The following ZNF408 variants were observed in gnomAD, a reference collection of about 807,000 sequenced individuals.
The protein encoded by ZNF408 is zinc finger protein 408, also known as PR domain zinc finger protein 17.
ZNF408 carries 24 observed loss-of-function variants against 27.6 expected under a neutral mutation model. The observed-to-expected ratio is 0.87, with a 90% CI of 0.63 to 1.22. The LOEUF is 1.22. ZNF408 is among the 50% of genes most tolerant of loss of function. The probability of loss-of-function intolerance (pLI) is 0.00; values close to 1 mark genes in which losing one functional copy is unlikely to be tolerated. For synonymous variants in ZNF408, 410 were observed against 396.1 expected (o/e 1.04, Z -0.42); for missense variants, 897 against 949.0 (o/e 0.95, Z 0.72).
chr11:46,704,154 G>A (rs2064732465), intron 4 of ZNF408, among the ~76,000 whole-genome samples, 199 bp from the exon 5 acceptor site: 1 of 152,116 alleles, frequency 6.6e-6, no homozygotes, highest in Non-Finnish European at 1.5e-5. Flanking sequence ...GCTCTCAGGA[G>A]TGCTTCTCCA....
Position 46,705,428 on chromosome 11 carries a change from G to A in ZNF408, c.1728G>A (p.Glu576=). ...CTCACGAGCGCCTGCACTCCGGAGA[G>A]AGGCCCTTTCCCTGTCCCCAGTGTG... ...LRAHERLHSG[E]RPFPCPQCGR... is the part of the protein sequence containing the mutation. Residue 576 remains glutamate, a synonymous_variant, in exon 5 of 5, where the codon GAG becomes GAA. Coordinates refer to ENST00000311764, the MANE Select transcript of ZNF408 (RefSeq NM_024741.3). This position sits in a 1 kb window ranked among gnomAD's most constrained non-coding sequence, Gnocchi z 6.5. 6.2e-7 allele frequency: 1 copy of A among 1,608,164 alleles called. No homozygotes were observed. Among genetic ancestry groups the A allele is most frequent in the Non-Finnish European group, 8.5e-7 (1 of 1,179,662 alleles).
chr11:46,705,169 A>AT lies in ZNF408; in HGVS notation c.1470dup (p.Thr491TyrfsTer48). The AT allele has an allele frequency of 6.2e-7, 1 of 1,611,470 alleles. No individual in the cohort carries two copies. The highest frequency in any genetic ancestry group is 8.5e-7 in the Non-Finnish European group (1 of 1,179,940). Reference sequence around the variant, plus strand: ...TCCCTGCGGAACCATATGAGGCTCCATACAGGAGAAAAGCCTTTCCTGTGC... The same window carrying AT: ...TCCCTGCGGAACCATATGAGGCTCCATTACAGGAGAAAAGCCTTTCCTGTGC... On this transcript the variant is annotated frameshift_variant, in exon 5 of 5. Coordinates refer to ENST00000311764, the MANE Select transcript of ZNF408 (RefSeq NM_024741.3). LOFTEE classifies it low-confidence loss of function (END_TRUNC). The surrounding 1 kb of genome is among the most constrained non-coding windows in gnomAD (Gnocchi z 6.5).
At position 46,701,533 on chromosome 11, in the gene ZNF408, C is replaced by T. The variant is rs1375969701; in HGVS notation, c.187C>T (p.Leu63Phe). ...AAAGAGCCTTCCCCGGGGCTTGGCCCTTGGCCCCTCACTCGCCAAGGAACA... is the reference window on the plus strand; with the variant it reads ...AAAGAGCCTTCCCCGGGGCTTGGCCTTTGGCCCCTCACTCGCCAAGGAACA... The part of the protein sequence containing the change: ...ALKSLPRGLA[L>F]GPSLAKEQRL... The change falls in exon 2 of 5, where the codon CTT becomes TTT. Residue 63 changes from leucine to phenylalanine, a missense_variant. By Grantham distance (22) the Leu-to-Phe change is conservative. Coordinates refer to ENST00000311764, the MANE Select transcript of ZNF408 (RefSeq NM_024741.3). The T allele has an allele frequency of 6.2e-7, 1 of 1,613,802 alleles. No individual in the cohort carries two copies. The highest frequency in any genetic ancestry group is 8.5e-7 in the Non-Finnish European group (1 of 1,180,020).
intron 2 of ZNF408, among the ~76,000 whole-genome samples, chr11:46,702,340 C>T (rs887157227): frequency 1.2e-4 from 18 of 152,232 alleles, no homozygotes; most frequent in Non-Finnish European, 1.9e-4. Flanking sequence ...AGTAATCCGC[C>T]TGCCTGGGCC....
rs752294007 is a variant in ZNF408 at position 46,705,715 on chromosome 11, ATGT to A, written c.2021_2023del (p.Val674del). 1.2e-5 allele frequency: 19 copies of A among 1,613,278 alleles called. No homozygotes were observed. The highest frequency in any genetic ancestry group is 7.7e-5 in the South Asian group (7 of 90,912). ...GAGGAGGAAGTCTCCCCCGCCAGGG[ATGT>A]TGTTGAGGTCACCATTTCAGAAAGC... On this transcript the variant is annotated inframe_deletion, in exon 5 of 5. Coordinates refer to ENST00000311764, the MANE Select transcript of ZNF408 (RefSeq NM_024741.3). This position sits in a 1 kb window ranked among gnomAD's most constrained non-coding sequence, Gnocchi z 6.5.
At position 46,701,576 on chromosome 11, in the gene ZNF408, GT is replaced by G; in HGVS notation, c.231del (p.Cys77TrpfsTer28). ...AAGGAACAGCGCTTGGGGGTCTGGT[GT>G]GTCGGGGACCCCCTGCAGCCCGGCC... ...LAKEQRLGVWCVGDPLQPGLL... is the reference protein window; with the variant it reads ...LAKEQRLGVWXVGDPLQPGLL... On this transcript the variant is annotated frameshift_variant, in exon 2 of 5. Coordinates refer to ENST00000311764, the MANE Select transcript of ZNF408 (RefSeq NM_024741.3). LOFTEE classifies it high-confidence loss of function. 3 of 1,613,226 alleles carry G rather than the reference GT, an allele frequency of 1.9e-6. No individual in the cohort carries two copies. Among genetic ancestry groups the G allele is most frequent in the Non-Finnish European group, 2.5e-6 (3 of 1,179,922 alleles).
chr11:46,701,649 C>T lies in ZNF408; in HGVS notation c.303C>T (p.Gly101=), dbSNP rs1027734312. ...LEEESASKEK[G]EGVKPRQEEN... is the part of the protein sequence containing the mutation. ...AGGAGTCTGCCTCCAAGGAGAAGGG[C>T]GAGGGAGTAAAGCCACGGCAGGAGG... Residue 101 remains glycine (G), a synonymous_variant, in exon 2 of 5, where the codon GGC becomes GGT. Transcript: ENST00000311764. 1.3e-6 allele frequency: 2 copies of T among 1,597,484 alleles called. No homozygotes were observed. Among genetic ancestry groups the T allele is most frequent in the Non-Finnish European group, 1.7e-6 (2 of 1,169,966 alleles).
intron 2 of ZNF408, chr11:46,701,984 G>A (rs1449793403): frequency 1.5e-5 from 4 of 270,474 alleles, no homozygotes; most frequent in South Asian, 1.2e-4. Flanking sequence ...ATTACGTGCC[G>A]CATTTAATTC....
At position 46,703,799 on chromosome 11, in the gene ZNF408, ACT is replaced by A. The variant is rs372250477; in HGVS notation, c.653-551_653-550del. On this transcript the variant is annotated intron_variant, in intron 4 of 4. Coordinates refer to ENST00000311764, the MANE Select transcript of ZNF408 (RefSeq NM_024741.3). ...TTTTTTTTTTTTGAGATGGAGTCTCACTCTGTCGCCCAGGCTGGAGTGCAATG... is the reference window on the plus strand; with the variant it reads ...TTTTTTTTTTTTGAGATGGAGTCTCACTGTCGCCCAGGCTGGAGTGCAATG... Among the ~76,000 whole-genome samples the A allele has an allele frequency of 3.2e-4, 37 of 115,230 alleles. 1 individual carries two copies. The East Asian group carries it at 9.0e-3, about 28-fold the overall frequency. The allele number at this position is 115,230 out of a possible 152,430, so 75.6% of individuals were successfully genotyped here.
chr11:46,702,009 G>A (rs2064712805), intron 2 of ZNF408: 2 of 229,606 alleles, frequency 8.7e-6, no homozygotes, highest in Non-Finnish European at 1.7e-5. Context: ...GTGAAACAAA[G>A]CAGTGGCTCT....
At chr11:46,701,357 C>T (rs754017651) in intron 1 of ZNF408, 42 bp from the exon 2 acceptor site, 12 of 1,600,672 alleles carry the variant, frequency 7.5e-6, no homozygotes, top group African/African-American at 1.3e-5. Flanking sequence ...CACCTCCCAC[C>T]TTCTTGGGTG....
rs371644247 is a variant in ZNF408 at position 46,703,758 on chromosome 11, G to GTTTTT, written c.652+517_652+518insTTTTT. Among the ~76,000 whole-genome samples the GTTTTT allele has an allele frequency of 3.2e-4, 30 of 94,152 alleles. 4 individuals carry two copies. Among genetic ancestry groups the GTTTTT allele is most frequent in the African/African-American group, 8.4e-4 (18 of 21,346 alleles). The allele number at this position is 94,152 out of a possible 152,430, so 61.8% of individuals were successfully genotyped here. A position where few individuals can be genotyped will look rare whatever the true frequency, so the allele number is the denominator to read the frequency against. ...TTTGTTTTGTTTTGTTGTTGTTGTT[G>GTTTTT]TTGTTGTTGTTGTTTTTTTTTTTTT... On this transcript the variant is annotated intron_variant, in intron 4 of 4. Transcript: ENST00000311764.
In ZNF408 at chr11:46,705,899, C is replaced by G; in HGVS notation, c.*36C>G. The G allele has an allele frequency of 6.3e-7, 1 of 1,578,782 alleles. No homozygotes were observed. The highest frequency in any genetic ancestry group is 1.2e-5 in the South Asian group (1 of 85,506). Reference sequence around the variant, plus strand: ...TTTTGCTGACACAGCTCCATAAAGACTCGTGCTTTCTCACTGCTGCGTGTC... The same window carrying G: ...TTTTGCTGACACAGCTCCATAAAGAGTCGTGCTTTCTCACTGCTGCGTGTC... On this transcript the variant is annotated 3_prime_UTR_variant, in exon 5 of 5. Coordinates refer to ENST00000311764, the MANE Select transcript of ZNF408 (RefSeq NM_024741.3). This position sits in a 1 kb window ranked among gnomAD's most constrained non-coding sequence, Gnocchi z 6.5.
At chr11:46,701,777 G>A (rs770876638) in intron 2 of ZNF408, 101 bp downstream of exon 2, 8 of 1,341,330 alleles carry the variant, frequency 6.0e-6, no homozygotes, top group East Asian at 2.5e-5. Context: ...AGTATTTCAA[G>A]AGATAGGAGA....
At chr11:46,702,471 T>C (rs544607748) in intron 2 of ZNF408, among the ~76,000 whole-genome samples, 19 of 152,360 alleles carry the variant, frequency 1.2e-4, no homozygotes, top group African/African-American at 4.6e-4. Context: ...CAGTAATGTG[T>C]TCAATTTAGT....
In ZNF408 at chr11:46,704,991, C is replaced by T. The variant is rs1431185083; in HGVS notation, c.1291C>T (p.His431Tyr). 1 of 1,613,442 alleles carries T rather than the reference C, an allele frequency of 6.2e-7. No individual in the cohort carries two copies. Among genetic ancestry groups the T allele is most frequent in the South Asian group, 1.1e-5 (1 of 91,078 alleles). The change falls in exon 5 of 5, where the codon CAT becomes TAT. Residue 431 changes from histidine to tyrosine, a missense_variant. Transcript: ENST00000311764. ...QRDLKEHQVV[H>Y]SGARPFACDQ... is the part of the protein sequence containing the mutation. ...AGACCTCAAAGAGCACCAGGTGGTACATTCAGGTGCCCGGCCCTTTGCTTG... is the reference window on the plus strand; with the variant it reads ...AGACCTCAAAGAGCACCAGGTGGTATATTCAGGTGCCCGGCCCTTTGCTTG...
intron 2 of ZNF408, 38 bp from the exon 3 acceptor site, chr11:46,702,666 G>A (rs761186086): frequency 1.4e-5 from 22 of 1,601,486 alleles, no homozygotes; most frequent in Middle Eastern, 1.7e-4. Context: ...CCGACCCCTC[G>A]AACACATTTG....
rs765836448 is a variant in ZNF408, at chr11:46,704,512, T to A, written c.812T>A (p.Met271Lys). The A allele has an allele frequency of 6.2e-7, 1 of 1,613,930 alleles. No individual in the cohort carries two copies. The highest frequency in any genetic ancestry group is 1.7e-5 in the Admixed American group (1 of 60,012). ...VDEECPAQAQ[M>K]PPELQSNSAT... ...GAGGAATGCCCGGCCCAGGCACAGA[T>A]GCCACCTGAACTTCAGAGCAATTCG... Residue 271 changes from methionine to lysine, a missense_variant, in exon 5 of 5, where the codon ATG (methionine) becomes AAG (lysine). Physicochemically the swap from Met to Lys is moderately conservative, Grantham distance 95 (BLOSUM62 -1). Transcript: ENST00000311764.
intron 4 of ZNF408, 120 bp downstream of exon 4, chr11:46,703,363 C>T: frequency 2.3e-6 from 3 of 1,313,312 alleles, no homozygotes; most frequent in Non-Finnish European, 3.1e-6. Flanking sequence ...GTCTTAGTAG[C>T]TTTTCAAAAT....
Sources: allele counts gnomAD v4.1 joint callset (sites outside exome capture counted in the v4.1 genomes callset), GRCh38; gene constraint gnomAD v4.1.1; non-coding constraint Gnocchi (gnomAD v3.1); transcripts MANE v1.5; gene names NCBI Gene and HGNC (gene_info 2026-07-23, HGNC 2026-07-21).